Variants in ADGRL4 observed in about 807,000 individuals in gnomAD.
ADGRL4 encodes adhesion G protein-coupled receptor L4.
ADGRL4 carries 90 observed loss-of-function variants against 74.8 expected under a neutral mutation model. The observed-to-expected ratio is 1.20, with a 90% CI of 1.02 to 1.43. The LOEUF is 1.43. ADGRL4 is among the 40% of genes most tolerant of loss of function. The pLI, the probability that ADGRL4 is intolerant of heterozygous loss-of-function variation, is 0.00. For synonymous variants in ADGRL4, 311 were observed against 279.2 expected, an observed-to-expected ratio of 1.11 and a Z score of -1.14; for missense variants, 881 against 814.3, an observed-to-expected ratio of 1.08 and a Z score of -1.00.
chr1:78,904,035 C>G (rs1257038772), intron 12 of ADGRL4, among the ~76,000 whole-genome samples: 1 of 151,020 alleles, frequency 6.6e-6, no homozygotes, highest in Non-Finnish European at 1.5e-5. Flanking sequence ...ATAAAATTAA[C>G]TAAAATAATA....
At chr1:78,914,450 A>G (rs1648828445) in intron 12 of ADGRL4, among the ~76,000 whole-genome samples, 1 of 151,964 alleles carries the variant, frequency 6.6e-6, no homozygotes, top group Middle Eastern at 3.4e-3. Flanking sequence ...ACCTAGCAGG[A>G]TATTCTAAAG....
chr1:78,956,014 C>A (rs1156457026), intron 2 of ADGRL4, among the ~76,000 whole-genome samples: 1 of 152,086 alleles, frequency 6.6e-6, no homozygotes, highest in Non-Finnish European at 1.5e-5. Flanking sequence ...TCTAATATGA[C>A]TTTGAATTAC....
chr1:78,899,915 G>A (rs1304095342), intron 12 of ADGRL4, among the ~76,000 whole-genome samples: 1 of 152,096 alleles, frequency 6.6e-6, no homozygotes, highest in African/African-American at 2.4e-5. Context: ...CCTGGAACCT[G>A]TGAATATGGC....
chr1:78,933,312 G>C (rs1649284944), intron 7 of ADGRL4, among the ~76,000 whole-genome samples: 1 of 151,348 alleles, frequency 6.6e-6, no homozygotes, highest in Non-Finnish European at 1.5e-5. Context: ...CACATAAACA[G>C]AACCCAAGAC....
chr1:79,004,198 A>G (rs1296475710), intron 2 of ADGRL4, among the ~76,000 whole-genome samples: 4 of 152,274 alleles, frequency 2.6e-5, no homozygotes, highest in African/African-American at 9.6e-5. Context: ...GGTGCATAAC[A>G]CCCCACAGCT....
chr1:78,900,733 C>T (rs2100654617), intron 12 of ADGRL4, among the ~76,000 whole-genome samples: 1 of 152,184 alleles, frequency 6.6e-6, no homozygotes, highest in South Asian at 2.1e-4. Context: ...TTCATGATTG[C>T]AAGTTTCCCA....
rs570448782 is a variant in ADGRL4, at chr1:79,005,223, A to G, written c.23-4T>C. ...TTCAACAAAGTGGAAAAAACCACTA[A>G]ATAAAATAGAGAAATACACCTTTTC... On this transcript the variant is annotated splice_region_variant and splice_polypyrimidine_tract_variant and intron_variant, in intron 1 of 14. Coordinates refer to ENST00000370742, the MANE Select transcript of ADGRL4 (RefSeq NM_022159.4). 4 of 1,601,232 alleles carry G rather than the reference A, an allele frequency of 2.5e-6. No homozygotes were observed. The Admixed American group carries it at 6.9e-5, about 28-fold the overall frequency.
chr1:78,995,589 C>G (rs762444547), intron 2 of ADGRL4, among the ~76,000 whole-genome samples: 4 of 152,202 alleles, frequency 2.6e-5, no homozygotes, highest in African/African-American at 2.4e-5. Flanking sequence ...AGCTTACAGG[C>G]AAGAGATCAA....
chr1:78,995,525 A>G (rs1650695801), intron 2 of ADGRL4, among the ~76,000 whole-genome samples: 1 of 152,224 alleles, frequency 6.6e-6, no homozygotes, highest in South Asian at 2.1e-4. Context: ...TGGTCATGCC[A>G]GCTCCAGAGA....
chr1:78,951,212 T>C (rs1649715567), intron 2 of ADGRL4, among the ~76,000 whole-genome samples: 1 of 152,162 alleles, frequency 6.6e-6, no homozygotes, highest in Non-Finnish European at 1.5e-5. Context: ...TATTGCACTC[T>C]TGTTTTGCCT....
chr1:78,986,621 T>C (rs1191544733), intron 2 of ADGRL4, among the ~76,000 whole-genome samples: 1 of 151,486 alleles, frequency 6.6e-6, no homozygotes, highest in African/African-American at 2.4e-5. Context: ...AATAAATAAA[T>C]AAATAAATAT....
chr1:79,004,483 C>T (rs1228159643), intron 2 of ADGRL4, among the ~76,000 whole-genome samples: 1 of 152,052 alleles, frequency 6.6e-6, no homozygotes, highest in Non-Finnish European at 1.5e-5. Flanking sequence ...TACAAGGATG[C>T]TTTGTGGCAT....
chr1:78,891,556 T>C lies in ADGRL4; in HGVS notation c.1978A>G (p.Ile660Val). 1 of 1,613,108 alleles carries C rather than the reference T, an allele frequency of 6.2e-7. No homozygotes were observed. The highest frequency in any genetic ancestry group is 8.5e-7 in the Non-Finnish European group (1 of 1,179,602). Residue 660 changes from isoleucine to valine, a missense_variant, in exon 14 of 15, where the codon ATT (isoleucine) becomes GTT (valine). Transcript: ENST00000370742. ...TVSNAFQGMF[I>V]FLFLCVLSRK... Reference sequence around the variant, plus strand: ...GATAAAACACACAGGAATAAAAAAATGAACATCCCCTGGAAAGCATTGCTG... The same window carrying C: ...GATAAAACACACAGGAATAAAAAAACGAACATCCCCTGGAAAGCATTGCTG...
chr1:78,989,022 A>G (rs2100732625), intron 2 of ADGRL4, among the ~76,000 whole-genome samples: 1 of 151,932 alleles, frequency 6.6e-6, no homozygotes, highest in East Asian at 1.9e-4. Context: ...TTTATTTCGT[A>G]TATTTTAAGT....
rs144099178 is a variant in ADGRL4 at position 78,912,879 on chromosome 1, A to G, written c.1749+4755T>C. 3.1e-3 allele frequency among the ~76,000 whole-genome samples: 476 copies of G among 152,038 alleles called. 5 individuals carry two copies. Among genetic ancestry groups the G allele is most frequent in the African/African-American group, 0.011 (451 of 41,522 alleles). On this transcript the variant is annotated intron_variant, in intron 12 of 14. Coordinates refer to ENST00000370742, the MANE Select transcript of ADGRL4 (RefSeq NM_022159.4). Reference sequence around the variant, plus strand: ...ATGGAATGGAAGAAAATATTTGCAAATTATGCATCTGACAAAAGTCTAATT... The same window carrying G: ...ATGGAATGGAAGAAAATATTTGCAAGTTATGCATCTGACAAAAGTCTAATT...
At position 78,918,080 on chromosome 1, in the gene ADGRL4, T is replaced by C. The variant is rs200345373; in HGVS notation, c.1462-30A>G. 1.8e-5 allele frequency: 27 copies of C among 1,469,920 alleles called. No homozygotes were observed. The East Asian group carries it at 6.1e-4, about 33-fold the overall frequency. 91.1% of individuals were successfully genotyped at this position (1,469,920 alleles called of 1,614,324 possible). On this transcript the variant is annotated intron_variant, in intron 10 of 14. Coordinates refer to ENST00000370742, the MANE Select transcript of ADGRL4 (RefSeq NM_022159.4). ...AAATCAAAGAAAAAAAAAAAAACAT[T>C]GTCAGTGTTTGTTTTAAAATTATCA... is the stretch of plus-strand genomic sequence containing the variant.
At chr1:78,945,436 T>A (rs1649581785) in intron 3 of ADGRL4, among the ~76,000 whole-genome samples, 1 of 151,944 alleles carries the variant, frequency 6.6e-6, no homozygotes, top group Non-Finnish European at 1.5e-5. Flanking sequence ...ATAAGTTGAA[T>A]ATTTTTTAGA....
chr1:78,971,178 C>T (rs924035860), intron 2 of ADGRL4, among the ~76,000 whole-genome samples: 3 of 152,160 alleles, frequency 2.0e-5, no homozygotes, highest in African/African-American at 7.2e-5. Context: ...CTCTTGACTG[C>T]TATTTTCCCC....
At chr1:78,968,069 TTTAGA>T (rs1650091576) in intron 2 of ADGRL4, among the ~76,000 whole-genome samples, 1 of 152,146 alleles carries the variant, frequency 6.6e-6, no homozygotes, top group African/African-American at 2.4e-5. Context: ...TTCAATCTTC[TTTAGA>T]TTATATTTTT....
Sources: allele counts gnomAD v4.1 joint callset (sites outside exome capture counted in the v4.1 genomes callset), GRCh38; gene constraint gnomAD v4.1.1; transcripts MANE v1.5; gene names NCBI Gene and HGNC (gene_info 2026-07-23, HGNC 2026-07-21).